Variants in CTSH observed in about 807,000 individuals in gnomAD.
The protein encoded by CTSH is cathepsin H, also known as pro-cathepsin H.
CTSH carries 52 observed loss-of-function variants against 56.3 expected under a neutral mutation model. The observed-to-expected ratio is 0.92, with a 90% CI of 0.74 to 1.16. The LOEUF (loss-of-function observed/expected upper bound fraction) is 1.16. Ranked by LOEUF, CTSH falls within the 50% of genes most tolerant of loss-of-function variation. The pLI is 0.00. For missense variants in CTSH, 406 were observed against 424.5 expected (o/e 0.96, Z 0.38); for synonymous variants, 174 against 155.7 (o/e 1.12, Z -0.88).
chr15:78,929,264 G>A (rs2054991966), intron 8 of CTSH, 148 bp downstream of exon 8: 3 of 692,000 alleles, frequency 4.3e-6, no homozygotes, highest in South Asian at 3.2e-5. Flanking sequence ...GTGGAGGAGG[G>A]GAAGGAAGAA....
Position 78,922,186 on chromosome 15 carries a change from C to T in CTSH, c.952G>A (p.Gly318Arg), listed in dbSNP as rs763065489. Residue 318 changes from glycine to arginine, a missense_variant, in exon 12 of 12, where the codon GGA becomes AGA. Gly to Arg is a moderately radical substitution (Grantham distance 125). Transcript: ENST00000220166. ...GMNGYFLIER[G>R]KNMCGLAACA... is the part of the protein sequence containing the mutation. ...GCAGCCAGGCCACACATGTTCTTTC[C>T]GCGCTCGATGAGGAAGTACCTGGGC... The T allele has an allele frequency of 3.9e-5, 61 of 1,582,188 alleles. No individual in the cohort carries two copies. Among genetic ancestry groups the T allele is most frequent in the African/African-American group, 1.5e-4 (11 of 74,420 alleles).
chr15:78,925,385 G>A lies in CTSH; in HGVS notation c.755C>T (p.Ala252Val), dbSNP rs1045117316. The change falls in exon 10 of 12, where the codon GCC becomes GTC. Residue 252 changes from alanine to valine, a missense_variant. Physicochemically the swap from Ala to Val is moderately conservative, Grantham distance 64 (BLOSUM62 0). Transcript: ENST00000220166. Reference protein sequence around the residue: ...AVALYNPVSFAFEVTQDFMMY... With the variant: ...AVALYNPVSFVFEVTQDFMMY... Reference sequence around the variant, plus strand: ...CATGAAGTCCTGAGTCACCTCAAAGGCAAAGCTCACAGGGTTGTAGAGGGC... The same window carrying A: ...CATGAAGTCCTGAGTCACCTCAAAGACAAAGCTCACAGGGTTGTAGAGGGC... 1 of 1,613,892 alleles carries A rather than the reference G, an allele frequency of 6.2e-7. No homozygotes were observed. Among genetic ancestry groups the A allele is most frequent in the Non-Finnish European group, 8.5e-7 (1 of 1,179,830 alleles).
chr15:78,930,425 G>A (rs2141533078), intron 7 of CTSH, among the ~76,000 whole-genome samples: 1 of 152,288 alleles, frequency 6.6e-6, no homozygotes, highest in South Asian at 2.1e-4. Context: ...TCCCTGGGAG[G>A]CTGAGGCAGG....
intron 1 of CTSH, among the ~76,000 whole-genome samples, chr15:78,942,215 C>CTTT (rs35548397): frequency 2.7e-5 from 3 of 110,350 alleles, no homozygotes; most frequent in African/African-American, 3.6e-5. Flanking sequence ...TTCTTTCCTT[C>CTTT]TTTTTTTTTT....
Position 78,922,118 on chromosome 15 carries a change from G to A in CTSH, c.*12C>T, listed in dbSNP as rs1388055101. On this transcript the variant is annotated 3_prime_UTR_variant, in exon 12 of 12. Coordinates refer to ENST00000220166, the MANE Select transcript of CTSH (RefSeq NM_004390.5). ...CTCCTTCTCCGCCAGTCTGCGCTGC[G>A]GCTGCCACGGCTCACACCAGAGGGA... 7 of 1,558,060 alleles carry A rather than the reference G, an allele frequency of 4.5e-6. No individual in the cohort carries two copies. The highest frequency in any genetic ancestry group is 1.4e-5 in the African/African-American group (1 of 73,604).
chr15:78,934,229 T>C (rs2055125015), intron 5 of CTSH, among the ~76,000 whole-genome samples: 1 of 152,150 alleles, frequency 6.6e-6, no homozygotes, highest in Non-Finnish European at 1.5e-5. Flanking sequence ...TTTTGGAAAG[T>C]GAAAAAACAT....
intron 1 of CTSH, among the ~76,000 whole-genome samples, chr15:78,943,641 C>T (rs1490450844): frequency 1.3e-5 from 2 of 152,218 alleles, no homozygotes; most frequent in African/African-American, 2.4e-5. Flanking sequence ...ACTGAAATTT[C>T]AGTGGCCATA....
At chr15:78,941,219 GTT>G (rs991282678) in intron 1 of CTSH, among the ~76,000 whole-genome samples, 28 of 151,360 alleles carry the variant, frequency 1.8e-4, no homozygotes, top group Non-Finnish European at 7.4e-5. Context: ...GAGGTCAGGA[GTT>G]TGAGACCAGC....
intron 11 of CTSH, among the ~76,000 whole-genome samples, 194 bp downstream of exon 11, chr15:78,922,797 CCT>C (rs1218438501): frequency 6.6e-6 from 1 of 152,220 alleles, no homozygotes; most frequent in African/African-American, 2.4e-5. Flanking sequence ...GACCTGGGGC[CCT>C]GTGAGGGCTG....
chr15:78,942,053 G>A (rs898591372), intron 1 of CTSH, among the ~76,000 whole-genome samples: 4 of 152,044 alleles, frequency 2.6e-5, no homozygotes, highest in Admixed American at 6.6e-5. Context: ...TCTTATTTTT[G>A]TTTCTTATAG....
intron 1 of CTSH, among the ~76,000 whole-genome samples, chr15:78,943,816 G>T (rs1274682764): frequency 6.6e-6 from 1 of 152,250 alleles, no homozygotes; most frequent in Non-Finnish European, 1.5e-5. Context: ...CCCTGCTCTG[G>T]AATTCAGACA....
chr15:78,927,323 G>T, intron 9 of CTSH: 1 of 261,272 alleles, frequency 3.8e-6, no homozygotes. Flanking sequence ...GGGCACGGTT[G>T]TTATTGCAAC....
chr15:78,937,953 A>G, intron 2 of CTSH: 2 of 454,348 alleles, frequency 4.4e-6, no homozygotes, highest in South Asian at 2.4e-5. Context: ...CCATTACTTT[A>G]AAAATTTCTT....
rs558645174 is a variant in CTSH, at chr15:78,922,899, G to T, written c.932+94C>A. ...GGGCTTGGCTGACCAGCTCGTCTGT[G>T]GAAGCCGTAACTCTGAGGTGGAAGT... is the stretch of plus-strand genomic sequence containing the variant. On this transcript the variant is annotated intron_variant, in intron 11 of 11. Transcript: ENST00000220166. 1.1e-4 allele frequency: 162 copies of T among 1,461,654 alleles called. 1 individual carries two copies. The African/African-American group carries it at 2.2e-3, about 20-fold the overall frequency. 90.5% of individuals were successfully genotyped at this position (1,461,654 alleles called of 1,614,324 possible).
chr15:78,929,807 A>G (rs9302286), intron 7 of CTSH, among the ~76,000 whole-genome samples: 23,013 of 152,142 alleles, frequency 0.15, 2,268 homozygotes, highest in African/African-American at 0.27. Context: ...TGTCATCGCC[A>G]CAGCCGAGCC....
At chr15:78,931,973 C>T (rs2055070711) in intron 6 of CTSH, 2 of 1,151,320 alleles carry the variant, frequency 1.7e-6, no homozygotes, top group Non-Finnish European at 2.2e-6. Flanking sequence ...GGGGCATCAT[C>T]CGTCTCTTGT....
intron 6 of CTSH, 193 bp from the exon 7 acceptor site, chr15:78,931,699 A>G (rs2055064799): frequency 2.1e-6 from 3 of 1,458,190 alleles, no homozygotes; most frequent in Middle Eastern, 2.5e-4. Context: ...CAGCTGGCAC[A>G]TGTCGGGAGG....
chr15:78,924,077 TGGG>T (rs542207009), intron 10 of CTSH, among the ~76,000 whole-genome samples: 15 of 36,352 alleles, frequency 4.1e-4, no homozygotes, highest in African/African-American at 4.2e-4. Context: ...CCCCAGGAGG[TGGG>T]GGGGATCCAA....
intron 2 of CTSH, among the ~76,000 whole-genome samples, chr15:78,938,469 C>T (rs762249164): frequency 6.6e-6 from 1 of 152,176 alleles, no homozygotes; most frequent in African/African-American, 2.4e-5. Flanking sequence ...TGTCTTTCTT[C>T]ATCAGATCCA....
Sources: allele counts gnomAD v4.1 joint callset (sites outside exome capture counted in the v4.1 genomes callset), GRCh38; gene constraint gnomAD v4.1.1; transcripts MANE v1.5; gene names NCBI Gene and HGNC (gene_info 2026-07-23, HGNC 2026-07-21).